Variants in MACROD2 observed in about 807,000 individuals in gnomAD.
MACROD2 encodes the protein mono-ADP ribosylhydrolase 2.
Under a neutral mutation model 70.4 loss-of-function variants are expected in MACROD2, and 36 were observed. The ratio of observed to expected loss-of-function variants is 0.51; its 90% CI spans 0.39 to 0.68. The LOEUF is 0.68. MACROD2 is among the 30% of genes least tolerant of loss of function. The probability of loss-of-function intolerance (pLI) is 0.00; values close to 1 mark genes in which losing one functional copy is unlikely to be tolerated. For missense variants in MACROD2, 496 were observed against 538.4 expected (o/e 0.92, Z 0.78); for synonymous variants, 172 against 178.8 (o/e 0.96, Z 0.30).
At chr20:15,363,833 A>C (rs2078380389) in intron 6 of MACROD2, among the ~76,000 whole-genome samples, 1 of 152,208 alleles carries the variant, frequency 6.6e-6, no homozygotes, top group African/African-American at 2.4e-5. Flanking sequence ...ATATTTTGCA[A>C]ACGGCTTCAC....
chr20:14,270,054 C>G (rs1301935078), intron 3 of MACROD2, among the ~76,000 whole-genome samples: 1 of 152,054 alleles, frequency 6.6e-6, no homozygotes, highest in Non-Finnish European at 1.5e-5. Flanking sequence ...GGCAAGGCAG[C>G]TGCCACATGA....
intron 8 of MACROD2, among the ~76,000 whole-genome samples, chr20:15,816,466 T>C (rs2063876456): frequency 6.6e-6 from 1 of 152,000 alleles, no homozygotes; most frequent in South Asian, 2.1e-4. Flanking sequence ...CATTTGTTTC[T>C]GATTTTAACC....
rs528928854 is a variant in MACROD2 at position 15,283,583 on chromosome 20, A to G, written c.540+53522A>G. On this transcript the variant is annotated intron_variant, in intron 6 of 17. Coordinates refer to ENST00000684519, the MANE Select transcript of MACROD2 (RefSeq NM_001351661.2). ...GCTACTCAAGAGGCTGAGGCAGGGGAATTGCTTGAACCTGGGAGGCAGAGG... is the reference window on the plus strand; with the variant it reads ...GCTACTCAAGAGGCTGAGGCAGGGGGATTGCTTGAACCTGGGAGGCAGAGG... Among the ~76,000 whole-genome samples the G allele has an allele frequency of 3.2e-4, 49 of 152,212 alleles. 1 individual carries two copies. The highest frequency in any genetic ancestry group is 1.0e-3 in the African/African-American group (43 of 41,516).
chr20:15,647,722 A>ATTTTT lies in MACROD2; in HGVS notation c.645+147886_645+147890dup, dbSNP rs34556344. On this transcript the variant is annotated intron_variant, in intron 8 of 17. Transcript: ENST00000684519. ...GTAAGTAATGGAGAGACAATAGATG[A>ATTTTT]TTTTTTTTTTTTTTTGAGATGGAGT... Among the ~76,000 whole-genome samples, 6 of 142,460 alleles carry ATTTTT rather than the reference A, an allele frequency of 4.2e-5. 1 individual carries two copies. The highest frequency in any genetic ancestry group is 7.8e-5 in the African/African-American group (3 of 38,582). 93.5% of individuals were successfully genotyped at this position (142,460 alleles called of 152,430 possible).
At chr20:14,238,856 G>A (rs188588643) in intron 3 of MACROD2, among the ~76,000 whole-genome samples, 13 of 151,842 alleles carry the variant, frequency 8.6e-5, no homozygotes, top group Admixed American at 1.3e-4. Context: ...GTAAAACCTC[G>A]TCTCTAATAA....
At chr20:14,487,342 G>A (rs1287099262) in intron 3 of MACROD2, among the ~76,000 whole-genome samples, 3 of 152,110 alleles carry the variant, frequency 2.0e-5, no homozygotes, top group African/African-American at 7.2e-5. Flanking sequence ...ATGGAGCCTG[G>A]CACATGTCAG....
intron 5 of MACROD2, among the ~76,000 whole-genome samples, chr20:14,912,575 T>C (rs1419823682): frequency 1.3e-5 from 2 of 152,146 alleles, no homozygotes; most frequent in Non-Finnish European, 2.9e-5. Context: ...AAGAGTTGAA[T>C]TCTGAAGAAT....
chr20:14,247,377 T>G (rs1324630051), intron 3 of MACROD2, among the ~76,000 whole-genome samples: 1 of 152,152 alleles, frequency 6.6e-6, no homozygotes, highest in African/African-American at 2.4e-5. Flanking sequence ...TCTCACTGGT[T>G]GTTGTGGTTA....
chr20:15,180,586 C>A (rs1194492048), intron 5 of MACROD2, among the ~76,000 whole-genome samples: 1 of 152,230 alleles, frequency 6.6e-6, no homozygotes, highest in Non-Finnish European at 1.5e-5. Context: ...TTTGCATGCA[C>A]CGTGCCCTCT....
intron 3 of MACROD2, among the ~76,000 whole-genome samples, chr20:14,126,558 T>TCAGGG (rs560479559): frequency 1.9e-3 from 287 of 152,336 alleles, no homozygotes; most frequent in African/African-American, 6.3e-3. Context: ...GTGGTAACCC[T>TCAGGG]GTGCTGAGCA....
chr20:14,367,193 CA>C (rs1380505147), intron 3 of MACROD2, among the ~76,000 whole-genome samples: 1 of 152,114 alleles, frequency 6.6e-6, no homozygotes, highest in East Asian at 1.9e-4. Context: ...GTTCTCTCCT[CA>C]TGTTAATGTT....
chr20:15,930,836 A>AC (rs1025159298), intron 10 of MACROD2, among the ~76,000 whole-genome samples: 5 of 152,308 alleles, frequency 3.3e-5, no homozygotes, highest in African/African-American at 1.2e-4. Flanking sequence ...TCAGGGTCTG[A>AC]CCATGGATTT....
chr20:15,533,496 A>T (rs896933326), intron 8 of MACROD2, among the ~76,000 whole-genome samples: 1 of 152,128 alleles, frequency 6.6e-6, no homozygotes, highest in African/African-American at 2.4e-5. Context: ...CAGACAACAA[A>T]AAAACCCTTA....
At chr20:14,191,644 G>C (rs2081388977) in intron 3 of MACROD2, among the ~76,000 whole-genome samples, 1 of 152,234 alleles carries the variant, frequency 6.6e-6, no homozygotes, top group Non-Finnish European at 1.5e-5. Context: ...AGGATGGTCT[G>C]AAAAGGACTT....
At chr20:14,908,204 C>T (rs934625157) in intron 5 of MACROD2, among the ~76,000 whole-genome samples, 3 of 151,852 alleles carry the variant, frequency 2.0e-5, no homozygotes, top group African/African-American at 4.8e-5. Context: ...ATTAGCTGGG[C>T]GTGGTGGGTG....
intron 5 of MACROD2, among the ~76,000 whole-genome samples, chr20:15,155,829 A>G (rs929975327): frequency 6.7e-6 from 1 of 148,814 alleles, no homozygotes; most frequent in Non-Finnish European, 1.5e-5. Flanking sequence ...TATATCTAGC[A>G]TTTTCATTTA....
At chr20:15,930,346 C>A (rs1265400836) in intron 10 of MACROD2, among the ~76,000 whole-genome samples, 2 of 152,178 alleles carry the variant, frequency 1.3e-5, no homozygotes, top group Non-Finnish European at 2.9e-5. Flanking sequence ...TAAGAACTCA[C>A]CCATTTGCAG....
intron 6 of MACROD2, among the ~76,000 whole-genome samples, chr20:15,288,109 T>C (rs2077508195): frequency 6.6e-6 from 1 of 152,216 alleles, no homozygotes; most frequent in Non-Finnish European, 1.5e-5. Flanking sequence ...GTCAAGGCTT[T>C]TTCTGTTGCA....
chr20:15,173,964 G>A (rs1031517651), intron 5 of MACROD2, among the ~76,000 whole-genome samples: 1 of 152,150 alleles, frequency 6.6e-6, no homozygotes, highest in African/African-American at 2.4e-5. Context: ...TTAAAAAAGT[G>A]TCTGTATTCT....
Sources: gnomAD v4.1 joint callset for allele counts (sites outside exome capture counted in the v4.1 genomes callset) on GRCh38, gnomAD v4.1.1 for gene constraint, MANE v1.5 for transcripts, NCBI Gene and HGNC (gene_info 2026-07-23, HGNC 2026-07-21) for gene names.